The following GPR158 variants were observed in gnomAD, a reference collection of about 807,000 sequenced individuals.
The protein encoded by GPR158 is metabotropic glycine receptor.
In GPR158, 30 loss-of-function variants were observed where a neutral mutation model predicts 78.2. The observed-to-expected ratio is 0.38, with a 90% CI of 0.29 to 0.52. The LOEUF is 0.52. Ranked by LOEUF, GPR158 falls within the 20% of genes least tolerant of loss-of-function variation. GPR158 has a pLI of 0.83. For missense variants in GPR158, 1,463 were observed against 1,523.5 expected, an observed-to-expected ratio of 0.96 and a Z score of 0.66; for synonymous variants, 581 against 591.1, an observed-to-expected ratio of 0.98 and a Z score of 0.25.
chr10:25,482,202 GA>G (rs1835671007), intron 5 of GPR158, among the ~76,000 whole-genome samples: 1 of 151,846 alleles, frequency 6.6e-6, no homozygotes, highest in African/African-American at 2.4e-5. Context: ...TTTTTTTTAA[GA>G]GACAGGGTCT....
At chr10:25,197,557 G>A (rs988535789) in intron 1 of GPR158, among the ~76,000 whole-genome samples, 7 of 152,102 alleles carry the variant, frequency 4.6e-5, no homozygotes, top group Non-Finnish European at 8.8e-5. Flanking sequence ...ATCTTTGCTT[G>A]AAAATTAAAG....
intron 2 of GPR158, among the ~76,000 whole-genome samples, chr10:25,255,604 G>GTTTGT (rs753662068): frequency 2.8e-4 from 43 of 152,226 alleles, no homozygotes; most frequent in Non-Finnish European, 4.9e-4. Context: ...TTGTTTGTCT[G>GTTTGT]TTTGTTTTGT....
intron 2 of GPR158, among the ~76,000 whole-genome samples, chr10:25,248,142 C>T (rs866123074): frequency 4.5e-4 from 68 of 151,990 alleles, no homozygotes; most frequent in East Asian, 1.9e-3. Context: ...TCATATCCTT[C>T]GCCCACTTTT....
chr10:25,317,963 G>A (rs1046851229), intron 2 of GPR158, among the ~76,000 whole-genome samples: 2 of 151,926 alleles, frequency 1.3e-5, no homozygotes, highest in African/African-American at 4.8e-5. Flanking sequence ...TCCTGACCTC[G>A]GGTGATCTGC....
chr10:25,186,960 A>ATTT (rs1172184108), intron 1 of GPR158, among the ~76,000 whole-genome samples: 2 of 119,240 alleles, frequency 1.7e-5, no homozygotes, highest in Non-Finnish European at 3.5e-5. Flanking sequence ...TCCCTAACTC[A>ATTT]TTTTTTTTTT....
chr10:25,513,935 T>C (rs1461259518), intron 5 of GPR158, among the ~76,000 whole-genome samples: 1 of 152,176 alleles, frequency 6.6e-6, no homozygotes, highest in Admixed American at 6.5e-5. Context: ...TCTTGTGTCC[T>C]ATCATATGGT....
chr10:25,210,600 G>A (rs1853116298), intron 1 of GPR158, among the ~76,000 whole-genome samples: 2 of 152,068 alleles, frequency 1.3e-5, no homozygotes, highest in East Asian at 1.9e-4. Context: ...GTTTTAATTT[G>A]CATTCCTGAT....
chr10:25,594,264 T>G, intron 8 of GPR158, 28 bp from the exon 9 acceptor site: 2 of 1,048,350 alleles, frequency 1.9e-6, no homozygotes, highest in Non-Finnish European at 1.5e-6. Context: ...TAATCTTGGA[T>G]TGTTAACTCA....
chr10:25,208,650 T>A (rs1169924550), intron 1 of GPR158, among the ~76,000 whole-genome samples: 1 of 151,546 alleles, frequency 6.6e-6, no homozygotes, highest in Admixed American at 6.6e-5. Context: ...ACTGGAACTG[T>A]GTCACATTGT....
In GPR158 at chr10:25,294,756, T is replaced by G. The variant is rs1172836743; in HGVS notation, c.1008+73599T>G. The stretch of plus-strand genomic sequence containing the variant: ...ATTGTCAAGAACCTCCTTCTTTGCC[T>G]CCTAAGAGCATGGAAGCTCTTAGGC... On this transcript the variant is annotated intron_variant, in intron 2 of 10. Transcript: ENST00000376351. Among the ~76,000 whole-genome samples the G allele has an allele frequency of 2.5e-5, 3 of 121,150 alleles. No homozygotes were observed. The East Asian group carries it at 6.0e-4, about 24-fold the overall frequency. 79.5% of individuals were successfully genotyped at this position (121,150 alleles called of 152,430 possible). A position where few individuals can be genotyped will look rare whatever the true frequency, so the allele number is the denominator to read the frequency against.
At chr10:25,256,590 C>T (rs778770342) in intron 2 of GPR158, among the ~76,000 whole-genome samples, 13 of 129,374 alleles carry the variant, frequency 1.0e-4, no homozygotes, top group African/African-American at 1.8e-4. Flanking sequence ...GAGGCTGAGG[C>T]GGTAGGAGTG....
intron 4 of GPR158, among the ~76,000 whole-genome samples, chr10:25,432,501 T>TA (rs1303362921): frequency 6.6e-6 from 1 of 152,188 alleles, no homozygotes; most frequent in Non-Finnish European, 1.5e-5. Context: ...CTTATAGCAC[T>TA]ATATGTAGTG....
intron 1 of GPR158, among the ~76,000 whole-genome samples, chr10:25,202,267 T>A (rs1193485998): frequency 2.0e-5 from 3 of 152,148 alleles, no homozygotes; most frequent in Admixed American, 6.6e-5. Flanking sequence ...CATTTTTTTT[T>A]ATACTTTAAG....
At chr10:25,443,015 A>G (rs867749414) in intron 4 of GPR158, among the ~76,000 whole-genome samples, 7 of 152,160 alleles carry the variant, frequency 4.6e-5, no homozygotes, top group Admixed American at 1.3e-4. Context: ...AACCACACTT[A>G]AAACTTCCAG....
intron 5 of GPR158, among the ~76,000 whole-genome samples, chr10:25,494,182 C>T (rs762308915): frequency 4.4e-4 from 67 of 151,990 alleles, no homozygotes; most frequent in Non-Finnish European, 6.5e-4. Context: ...TAACATGATA[C>T]CTGAGGTTGG....
chr10:25,557,324 G>T (rs114250972), intron 6 of GPR158, among the ~76,000 whole-genome samples: 1 of 152,144 alleles, frequency 6.6e-6, no homozygotes, highest in African/African-American at 2.4e-5. Flanking sequence ...TCCTGCATTC[G>T]TCTTCTCTTC....
intron 1 of GPR158, among the ~76,000 whole-genome samples, chr10:25,210,523 G>A (rs1330771879): frequency 6.6e-6 from 1 of 152,114 alleles, no homozygotes; most frequent in Non-Finnish European, 1.5e-5. Flanking sequence ...CCAATACTTG[G>A]CATTATACAG....
chr10:25,573,211 A>ATTGGCTATTCTCTTGATTTATTTC (rs1837036947), intron 7 of GPR158, among the ~76,000 whole-genome samples: 1 of 152,222 alleles, frequency 6.6e-6, no homozygotes, highest in Non-Finnish European at 1.5e-5. Flanking sequence ...TTTGATTAAT[A>ATTGGCTATTCTCTTGATTTATTTC]TTGGCTATTC....
chr10:25,598,987 C>T lies in GPR158; in HGVS notation c.3361C>T (p.Pro1121Ser), dbSNP rs147989919. The T allele has an allele frequency of 1.5e-5, 24 of 1,613,966 alleles. No homozygotes were observed. The highest frequency in any genetic ancestry group is 1.9e-5 in the Non-Finnish European group (23 of 1,179,996). ...GTGTGCTGGGCAGAGCGAAGAACTGCCCCCCAAAGCTGTAGCATCAAAAAC... is the reference window on the plus strand; with the variant it reads ...GTGTGCTGGGCAGAGCGAAGAACTGTCCCCCAAAGCTGTAGCATCAAAAAC... ...NVCAGQSEEL[P>S]PKAVASKTEN... The change falls in exon 11 of 11, where the codon CCC becomes TCC. Residue 1121 changes from proline to serine, a missense_variant. By Grantham distance (74) the Pro-to-Ser change is moderately conservative. Coordinates refer to ENST00000376351, the MANE Select transcript of GPR158 (RefSeq NM_020752.3).
Sources: gnomAD v4.1 joint callset for allele counts (sites outside exome capture counted in the v4.1 genomes callset) on GRCh38, gnomAD v4.1.1 for gene constraint, MANE v1.5 for transcripts, NCBI Gene and HGNC (gene_info 2026-07-23, HGNC 2026-07-21) for gene names.